The following ATRNL1 variants were observed in gnomAD, a reference collection of about 807,000 sequenced individuals.
ATRNL1 encodes attractin like 1.
A neutral mutation model predicts 182.7 loss-of-function variants in ATRNL1; 95 were observed. That is an observed-to-expected ratio of 0.52 (90% CI 0.44 to 0.62). The LOEUF is 0.62. ATRNL1 is among the 20% of genes least tolerant of loss of function. The pLI is 0.00. For missense variants in ATRNL1, 1,471 were observed against 1,679.5 expected, an observed-to-expected ratio of 0.88 and a Z score of 2.17; for synonymous variants, 576 against 568.3, an observed-to-expected ratio of 1.01 and a Z score of -0.19.
intron 27 of ATRNL1, among the ~76,000 whole-genome samples, chr10:115,840,497 T>C (rs1555096763): frequency 6.6e-6 from 1 of 152,082 alleles, no homozygotes; most frequent in Non-Finnish European, 1.5e-5. Context: ...CCTTTAATCA[T>C]TATAATAACA....
intron 27 of ATRNL1, among the ~76,000 whole-genome samples, chr10:115,782,192 G>A (rs782745086): frequency 6.6e-6 from 1 of 152,174 alleles, no homozygotes; most frequent in Non-Finnish European, 1.5e-5. Flanking sequence ...TCTTGAACCA[G>A]TAAACATTCT....
At chr10:115,259,122 G>A (rs1418176057) in intron 10 of ATRNL1, among the ~76,000 whole-genome samples, 6 of 152,184 alleles carry the variant, frequency 3.9e-5, no homozygotes, top group African/African-American at 1.2e-4. Flanking sequence ...GAGCTCAAAC[G>A]CCATGCTGGG....
chr10:115,864,919 T>C (rs1951401932), intron 28 of ATRNL1, among the ~76,000 whole-genome samples: 1 of 151,524 alleles, frequency 6.6e-6, no homozygotes, highest in Admixed American at 6.6e-5. Flanking sequence ...GAGGCGGAGC[T>C]TGCAGTGAGC....
In ATRNL1 at chr10:115,948,430, G is replaced by A. The variant is rs1336907590; in HGVS notation, c.*3651G>A. 1 of 152,184 alleles carries A rather than the reference G, an allele frequency of 6.6e-6. No individual in the cohort carries two copies. Among genetic ancestry groups the A allele is most frequent in the South Asian group, 2.1e-4 (1 of 4,834 alleles). 9.4% of individuals were successfully genotyped at this position (152,184 alleles called of 1,614,324 possible). On this transcript the variant is annotated 3_prime_UTR_variant, in exon 29 of 29. Coordinates refer to ENST00000355044, the MANE Select transcript of ATRNL1 (RefSeq NM_207303.4). ...CTACCCACCTATGGTCTTTTTAAAT[G>A]TCGAGTTTCAAAACCCATTTGCCGT...
In ATRNL1 at chr10:115,453,162, A is replaced by G. The variant is rs1225646873; in HGVS notation, c.3323-8779A>G. On this transcript the variant is annotated intron_variant, in intron 21 of 28. Transcript: ENST00000355044. ...AATGCTATAAGGAACATAGAAGTCT[A>G]GATATCACTTTGAGATCCTGAGTTT... is the stretch of plus-strand genomic sequence containing the variant. Among the ~76,000 whole-genome samples the G allele has an allele frequency of 3.9e-5, 6 of 152,272 alleles. No homozygotes were observed. In the East Asian group the frequency reaches 9.6e-4, roughly 24 times the overall value.
At chr10:115,559,944 A>T (rs1212691583) in intron 26 of ATRNL1, among the ~76,000 whole-genome samples, 1 of 152,248 alleles carries the variant, frequency 6.6e-6, no homozygotes, top group Non-Finnish European at 1.5e-5. Context: ...AAAGAAGTAA[A>T]GCTATCTCTA....
At chr10:115,838,229 A>G (rs1950723877) in intron 27 of ATRNL1, among the ~76,000 whole-genome samples, 1 of 152,188 alleles carries the variant, frequency 6.6e-6, no homozygotes, top group Non-Finnish European at 1.5e-5. Flanking sequence ...TTCAAACTCT[A>G]TTGTCAAAAT....
At chr10:115,125,975 G>A (rs1844954938) in intron 3 of ATRNL1, among the ~76,000 whole-genome samples, 1 of 152,198 alleles carries the variant, frequency 6.6e-6, no homozygotes, top group African/African-American at 2.4e-5. Flanking sequence ...ATTTCCTGGT[G>A]TATTATACAG....
chr10:115,643,926 A>G (rs1377996934), intron 26 of ATRNL1, among the ~76,000 whole-genome samples: 1 of 152,184 alleles, frequency 6.6e-6, no homozygotes, highest in East Asian at 1.9e-4. Flanking sequence ...AGTATAGTTA[A>G]GCATATACAT....
At chr10:115,629,697 C>T (rs535322173) in intron 26 of ATRNL1, among the ~76,000 whole-genome samples, 18 of 152,234 alleles carry the variant, frequency 1.2e-4, no homozygotes, top group South Asian at 1.0e-3. Flanking sequence ...TGAACCAACT[C>T]GGAATTCAGA....
intron 9 of ATRNL1, among the ~76,000 whole-genome samples, chr10:115,240,341 TC>T (rs1446276568): frequency 3.3e-5 from 5 of 150,406 alleles, no homozygotes; most frequent in African/African-American, 9.8e-5. Flanking sequence ...AACCTCCGCC[TC>T]CCGGGTTCAA....
intron 1 of ATRNL1, among the ~76,000 whole-genome samples, chr10:115,105,402 G>C (rs958336119): frequency 6.6e-6 from 1 of 152,172 alleles, no homozygotes; most frequent in Non-Finnish European, 1.5e-5. Context: ...GAAATGTACA[G>C]CCTGACAATG....
intron 26 of ATRNL1, among the ~76,000 whole-genome samples, chr10:115,646,731 G>A (rs1859639036): frequency 6.6e-6 from 1 of 150,764 alleles, no homozygotes; most frequent in South Asian, 2.1e-4. Context: ...ATGTGTATTA[G>A]GCAGGGCATA....
chr10:115,527,996 C>CCTT (rs1565133292), intron 25 of ATRNL1, among the ~76,000 whole-genome samples: 652 of 54,012 alleles, frequency 0.012, 20 homozygotes, highest in African/African-American at 0.025. Flanking sequence ...CTCCCTCCCT[C>CCTT]CCTTCCTTCC....
intron 26 of ATRNL1, among the ~76,000 whole-genome samples, chr10:115,663,026 G>C (rs1860787969): frequency 1.3e-5 from 2 of 152,042 alleles, no homozygotes; most frequent in Non-Finnish European, 1.5e-5. Flanking sequence ...CTCTTCTGAA[G>C]AGTTATTCAA....
intron 14 of ATRNL1, among the ~76,000 whole-genome samples, chr10:115,283,965 GTTATATATCGTTTGATT>G (rs553343912): frequency 1.3e-5 from 2 of 152,234 alleles, no homozygotes; most frequent in East Asian, 3.9e-4. Context: ...CAGCCAACTG[GTTATATATCGTTTGATT>G]TCCATTCAGC....
At chr10:115,591,062 AG>A (rs1409314287) in intron 26 of ATRNL1, among the ~76,000 whole-genome samples, 1 of 152,200 alleles carries the variant, frequency 6.6e-6, no homozygotes, top group East Asian at 1.9e-4. Flanking sequence ...GAAAGGTTCT[AG>A]GTACCACTGT....
At chr10:115,813,426 C>T (rs918660111) in intron 27 of ATRNL1, among the ~76,000 whole-genome samples, 1 of 152,048 alleles carries the variant, frequency 6.6e-6, no homozygotes, top group Admixed American at 6.6e-5. Flanking sequence ...AAAGCATGTC[C>T]ATAAGTTTAG....
chr10:115,526,381 T>C (rs1851217137), intron 25 of ATRNL1, among the ~76,000 whole-genome samples: 1 of 152,186 alleles, frequency 6.6e-6, no homozygotes, highest in Non-Finnish European at 1.5e-5. Flanking sequence ...AGCCAGTAAA[T>C]GGTTTGTTAA....
Sources: allele counts gnomAD v4.1 joint callset (sites outside exome capture counted in the v4.1 genomes callset), GRCh38; gene constraint gnomAD v4.1.1; transcripts MANE v1.5; gene names NCBI Gene and HGNC (gene_info 2026-07-23, HGNC 2026-07-21).